The following LDB2 variants were observed in gnomAD, a reference collection of about 807,000 sequenced individuals.
LDB2 encodes LIM domain binding 2, also known as LIM domain-binding protein 2.
LDB2 carries 12 observed loss-of-function variants against 44.3 expected under a neutral mutation model. The observed-to-expected ratio is 0.27, with a 90% CI of 0.17 to 0.44. LDB2 has a LOEUF of 0.44. Ranked by LOEUF, LDB2 falls within the 20% of genes least tolerant of loss-of-function variation. The pLI is 1.00. For missense variants in LDB2, 344 were observed against 473.5 expected (o/e 0.73, Z 2.54); for synonymous variants, 164 against 174.8 (o/e 0.94, Z 0.49).
chr4:16,760,426 A>G (rs1767642988), intron 1 of LDB2, among the ~76,000 whole-genome samples: 1 of 152,208 alleles, frequency 6.6e-6, no homozygotes, highest in Non-Finnish European at 1.5e-5. Context: ...TTCAGAAAAG[A>G]AGAAGCTCAG....
chr4:16,702,863 A>G (rs985388850), intron 2 of LDB2, among the ~76,000 whole-genome samples: 7 of 152,226 alleles, frequency 4.6e-5, no homozygotes, highest in South Asian at 2.1e-4. Context: ...ACTCTGCCAT[A>G]TTGAATTGCT....
intron 2 of LDB2, among the ~76,000 whole-genome samples, chr4:16,669,402 C>A (rs1404295954): frequency 6.6e-6 from 1 of 152,122 alleles, no homozygotes; most frequent in Non-Finnish European, 1.5e-5. Flanking sequence ...CTGGAGAAGC[C>A]AGGCCACATG....
Position 16,541,114 on chromosome 4 carries a change from C to T in LDB2, c.616-29010G>A, listed in dbSNP as rs116942114. On this transcript the variant is annotated intron_variant, in intron 5 of 7. Transcript: ENST00000304523. ...GAGCAGGTGAAATCCAGGTGATCAC[C>T]ATGTGAAATGGTTTGGATATATGTC... Among the ~76,000 whole-genome samples, 304 of 152,132 alleles carry T rather than the reference C, an allele frequency of 2.0e-3. 2 individuals carry two copies. In the East Asian group the frequency reaches 0.032, roughly 16 times the overall value.
At chr4:16,844,035 T>G (rs1344136682) in intron 1 of LDB2, among the ~76,000 whole-genome samples, 1 of 149,788 alleles carries the variant, frequency 6.7e-6, no homozygotes, top group East Asian at 1.9e-4. Context: ...GGAGGACGGG[T>G]TGAGCCCAGC....
intron 5 of LDB2, among the ~76,000 whole-genome samples, chr4:16,568,078 A>G (rs890211627): frequency 6.6e-6 from 1 of 152,198 alleles, no homozygotes; most frequent in African/African-American, 2.4e-5. Flanking sequence ...TCAAATAGTG[A>G]ATATTTAACA....
chr4:16,556,109 A>C (rs1404930275), intron 5 of LDB2, among the ~76,000 whole-genome samples: 1 of 152,176 alleles, frequency 6.6e-6, no homozygotes, highest in African/African-American at 2.4e-5. Flanking sequence ...TTTCTCCCAG[A>C]CTGGAGGCAA....
At chr4:16,713,673 A>T (rs1318570504) in intron 2 of LDB2, among the ~76,000 whole-genome samples, 1 of 152,230 alleles carries the variant, frequency 6.6e-6, no homozygotes, top group African/African-American at 2.4e-5. Context: ...AGAGAGGTTA[A>T]GAAATTTTCT....
chr4:16,680,561 A>G (rs1747571638), intron 2 of LDB2, among the ~76,000 whole-genome samples: 1 of 152,218 alleles, frequency 6.6e-6, no homozygotes, highest in Non-Finnish European at 1.5e-5. Flanking sequence ...TCCCCTGGAA[A>G]AACTTTCCGT....
At chr4:16,658,414 A>C (rs563159852) in intron 2 of LDB2, among the ~76,000 whole-genome samples, 1 of 152,338 alleles carries the variant, frequency 6.6e-6, no homozygotes, top group Non-Finnish European at 1.5e-5. Flanking sequence ...TAAAACCTTA[A>C]GCCTTAAACC....
intron 1 of LDB2, among the ~76,000 whole-genome samples, chr4:16,870,471 C>A (rs1019568162): frequency 6.6e-6 from 1 of 151,954 alleles, no homozygotes; most frequent in Non-Finnish European, 1.5e-5. Context: ...TGTGGCCTTA[C>A]CCAGAGCATA....
intron 1 of LDB2, 110 bp downstream of exon 1, chr4:16,898,244 G>A (rs1725892812): frequency 9.5e-7 from 1 of 1,052,100 alleles, no homozygotes; most frequent in Non-Finnish European, 1.4e-6. Flanking sequence ...CACGTACGTG[G>A]TAGTATCAAG....
intron 5 of LDB2, among the ~76,000 whole-genome samples, chr4:16,514,988 A>G (rs1244458716): frequency 6.6e-6 from 1 of 152,194 alleles, no homozygotes; most frequent in Non-Finnish European, 1.5e-5. Context: ...CTTTACTCAT[A>G]TGTTCATTGC....
chr4:16,667,334 C>T (rs16868309), intron 2 of LDB2, among the ~76,000 whole-genome samples: 107,278 of 152,016 alleles, frequency 0.71, 40,852 homozygotes, highest in Middle Eastern at 0.86. Flanking sequence ...TGCACGGAGC[C>T]CTGGGTGACA....
intron 2 of LDB2, among the ~76,000 whole-genome samples, chr4:16,628,537 C>A (rs912023555): frequency 1.1e-4 from 17 of 151,784 alleles, no homozygotes; most frequent in African/African-American, 3.9e-4. Flanking sequence ...TTTTGCCTGA[C>A]AAAACACTAC....
At chr4:16,718,390 G>A (rs1757533649) in intron 2 of LDB2, among the ~76,000 whole-genome samples, 10 of 152,092 alleles carry the variant, frequency 6.6e-5, no homozygotes. Flanking sequence ...AGAGAAAAAT[G>A]AAAACAATTT....
chr4:16,580,165 A>C (rs78712674), intron 5 of LDB2, among the ~76,000 whole-genome samples: 2,222 of 152,260 alleles, frequency 0.015, 33 homozygotes, highest in South Asian at 0.056. Context: ...ATTTGGATTA[A>C]CTGTAGGTGG....
chr4:16,686,943 T>C lies in LDB2; in HGVS notation c.235+72215A>G, dbSNP rs1578779565. On this transcript the variant is annotated intron_variant, in intron 2 of 7. Coordinates refer to ENST00000304523, the MANE Select transcript of LDB2 (RefSeq NM_001290.5). ...TCAAAGTCTGACTTCTTAGTCTCTT[T>C]GGTCTCTTATTCCTCTTCCCTACTT... is the stretch of plus-strand genomic sequence containing the variant. 2.6e-5 allele frequency among the ~76,000 whole-genome samples: 4 copies of C among 152,326 alleles called. No individual in the cohort carries two copies. In the South Asian group the frequency reaches 8.3e-4, roughly 32 times the overall value.
At chr4:16,860,084 A>C (rs2110251557) in intron 1 of LDB2, among the ~76,000 whole-genome samples, 1 of 152,282 alleles carries the variant, frequency 6.6e-6, no homozygotes, top group East Asian at 1.9e-4. Flanking sequence ...AATGCACTCA[A>C]AGTGCAGCCC....
chr4:16,860,035 C>T (rs768609183), intron 1 of LDB2, among the ~76,000 whole-genome samples: 2 of 152,130 alleles, frequency 1.3e-5, no homozygotes, highest in South Asian at 2.1e-4. Flanking sequence ...CCCAAAACTA[C>T]CCAGCAACAT....
Sources: gnomAD v4.1 joint callset for allele counts (sites outside exome capture counted in the v4.1 genomes callset) on GRCh38, gnomAD v4.1.1 for gene constraint, MANE v1.5 for transcripts, NCBI Gene and HGNC (gene_info 2026-07-23, HGNC 2026-07-21) for gene names.